CENPE: variants seen among roughly 807,000 people sequenced by gnomAD.
CENPE encodes centromere-associated protein E.
A neutral mutation model predicts 336.1 loss-of-function variants in CENPE; 145 were observed. The ratio of observed to expected loss-of-function variants is 0.43; its 90% CI spans 0.38 to 0.50. The LOEUF (loss-of-function observed/expected upper bound fraction) is 0.50, where lower values mean the gene tolerates loss of function less well. CENPE is among the 20% of genes least tolerant of loss of function. The pLI is 0.00. For missense variants in CENPE, 2,719 were observed against 3,023.3 expected (o/e 0.90, Z 2.36); for synonymous variants, 1,013 against 984.8 (o/e 1.03, Z -0.54).
rs756887577 is a variant in CENPE, at chr4:103,176,936, ATGTGTTTTTGTTG to A, written c.1340_1352del (p.Thr447IlefsTer5). 6.3e-7 allele frequency: 1 copy of A among 1,595,298 alleles called. No individual in the cohort carries two copies. The highest frequency in any genetic ancestry group is 1.8e-5 in the Admixed American group (1 of 56,648). On this transcript the variant is annotated frameshift_variant, in exon 14 of 49. Coordinates refer to ENST00000265148, the MANE Select transcript of CENPE (RefSeq NM_001813.3). LOFTEE classifies it high-confidence loss of function. ...CTCGTAATAAATTTATAGAAAGCTTATGTGTTTTTGTTGTTATATTTGTTGGTATATTAAATTG... is the reference window on the plus strand; with the variant it reads ...CTCGTAATAAATTTATAGAAAGCTTATTATATTTGTTGGTATATTAAATTG...
rs181200593 is a variant in CENPE at position 103,154,565 on chromosome 4, G to A, written c.3034-1315C>T. Among the ~76,000 whole-genome samples the A allele has an allele frequency of 3.9e-5, 6 of 152,216 alleles. No individual in the cohort carries two copies. The East Asian group carries it at 1.2e-3, about 29-fold the overall frequency. On this transcript the variant is annotated intron_variant, in intron 24 of 48. Transcript: ENST00000265148. ...GAGAAATTAAGGTAGGGAACACGTAGTCTTTTGGGACTAGTCTGTTAGATA... is the reference window on the plus strand; with the variant it reads ...GAGAAATTAAGGTAGGGAACACGTAATCTTTTGGGACTAGTCTGTTAGATA...
chr4:103,121,829 G>A (rs545143335), intron 43 of CENPE, among the ~76,000 whole-genome samples: 1 of 151,988 alleles, frequency 6.6e-6, no homozygotes, highest in African/African-American at 2.4e-5. Flanking sequence ...CCAAAGTACT[G>A]GGATTACAGA....
At chr4:103,148,466 G>T (rs1477857883) in intron 28 of CENPE, among the ~76,000 whole-genome samples, 1 of 152,172 alleles carries the variant, frequency 6.6e-6, no homozygotes, top group Non-Finnish European at 1.5e-5. Flanking sequence ...TGGGGGGAAA[G>T]AACAATGTCT....
rs766122819 is a variant in CENPE at position 103,144,138 on chromosome 4, A to G, written c.5145+193T>C. 5.9e-5 allele frequency among the ~76,000 whole-genome samples: 9 copies of G among 152,124 alleles called. No homozygotes were observed. The South Asian group carries it at 1.0e-3, about 18-fold the overall frequency. On this transcript the variant is annotated intron_variant, in intron 33 of 48. Coordinates refer to ENST00000265148, the MANE Select transcript of CENPE (RefSeq NM_001813.3). ...TTTTTAGTAGAGATGGCGTTTCACC[A>G]TGTTAGCCAGGATGGTCTTGATCTC...
chr4:103,183,873 A>T (rs1318497218), intron 9 of CENPE, among the ~76,000 whole-genome samples: 1 of 152,194 alleles, frequency 6.6e-6, no homozygotes. Context: ...CAATAGTAAC[A>T]GTCCATACAT....
intron 46 of CENPE, among the ~76,000 whole-genome samples, chr4:103,111,899 T>A (rs185032975): frequency 6.6e-6 from 1 of 152,156 alleles, no homozygotes; most frequent in East Asian, 1.9e-4. Context: ...GCAAATATCA[T>A]CTTATGTTTT....
chr4:103,175,912 T>C lies in CENPE; in HGVS notation c.1479+48A>G, dbSNP rs571904687. ...GTAACAAAACCTAATAACAAAAGAA[T>C]TTTAAAAAGAGTAAAAGCATTATAT... is the stretch of plus-strand genomic sequence containing the variant. On this transcript the variant is annotated intron_variant, in intron 15 of 48. Transcript: ENST00000265148. 1.8e-5 allele frequency: 21 copies of C among 1,193,630 alleles called. No homozygotes were observed. In the South Asian group the frequency reaches 2.6e-4, roughly 15 times the overall value. The allele number at this position is 1,193,630 out of a possible 1,614,324, so 73.9% of individuals were successfully genotyped here. A position where few individuals can be genotyped will look rare whatever the true frequency, so the allele number is the denominator to read the frequency against.
intron 8 of CENPE, among the ~76,000 whole-genome samples, chr4:103,189,706 G>A (rs1480540050): frequency 2.6e-5 from 4 of 152,050 alleles, no homozygotes; most frequent in African/African-American, 7.2e-5. Flanking sequence ...GCAAAAACTC[G>A]AAGCATTCCC....
Position 103,160,729 on chromosome 4 carries a change from C to A in CENPE, c.2182G>T (p.Glu728Ter), listed in dbSNP as rs1253595186. Reference protein sequence around the residue: ...LEGKITDLQKELNKEVEENEA... With the variant: ...LEGKITDLQK The stretch of plus-strand genomic sequence containing the variant: ...TTTTCTTCAACTTCTTTATTTAGTT[C>A]TTTCTGAAGATCAGTAATCTTTCCT... The change falls in exon 21 of 49, where the codon GAA (glutamate) becomes TAA (stop). Residue 728 changes from glutamate to a stop codon, truncating the protein, a stop_gained. Coordinates refer to ENST00000265148, the MANE Select transcript of CENPE (RefSeq NM_001813.3). LOFTEE classifies it high-confidence loss of function. 7 of 1,608,834 alleles carry A rather than the reference C, an allele frequency of 4.4e-6. No homozygotes were observed. Among genetic ancestry groups the A allele is most frequent in the Non-Finnish European group, 5.9e-6 (7 of 1,177,420 alleles).
chr4:103,129,812 C>T (rs192030057), intron 42 of CENPE, among the ~76,000 whole-genome samples: 60 of 152,148 alleles, frequency 3.9e-4, no homozygotes, highest in Admixed American at 7.2e-4. Flanking sequence ...AATCCAATCA[C>T]GTGTAAAAAT....
intron 42 of CENPE, among the ~76,000 whole-genome samples, chr4:103,125,992 CTG>C (rs1038549728): frequency 6.6e-6 from 1 of 151,870 alleles, no homozygotes; most frequent in African/African-American, 2.4e-5. Flanking sequence ...GCTCCCCAAA[CTG>C]GAGAGGCAGA....
intron 14 of CENPE, among the ~76,000 whole-genome samples, chr4:103,176,450 T>C (rs1281446341): frequency 1.3e-5 from 2 of 152,368 alleles, no homozygotes; most frequent in South Asian, 4.1e-4. Flanking sequence ...TAACTAACAA[T>C]TTAATTGAAT....
Position 103,140,424 on chromosome 4 carries a change from T to C in CENPE, c.5755-10A>G. 1 of 1,542,426 alleles carries C rather than the reference T, an allele frequency of 6.5e-7. No individual in the cohort carries two copies. The highest frequency in any genetic ancestry group is 8.7e-7 in the Non-Finnish European group (1 of 1,145,942). On this transcript the variant is annotated splice_polypyrimidine_tract_variant and intron_variant, in intron 36 of 48. Transcript: ENST00000265148. The stretch of plus-strand genomic sequence containing the variant: ...GTTGTATTTCCAGATCCTTTATGGT[T>C]AGAAGAAATCAAGAAATGTAATGAT...
chr4:103,185,867 A>T lies in CENPE; in HGVS notation c.694-6T>A. 6.3e-7 allele frequency: 1 copy of T among 1,599,190 alleles called. No individual in the cohort carries two copies. The highest frequency in any genetic ancestry group is 8.5e-7 in the Non-Finnish European group (1 of 1,169,730). On this transcript the variant is annotated splice_polypyrimidine_tract_variant and splice_region_variant and intron_variant, in intron 8 of 48. Coordinates refer to ENST00000265148, the MANE Select transcript of CENPE (RefSeq NM_001813.3). ...CCTGCAAGATCAACCAAATTCTGTA[A>T]GATAGATAAAAATAAATCCTTAGGG...
At position 103,194,659 on chromosome 4, in the gene CENPE, G is replaced by C. The variant is rs1406608723; in HGVS notation, c.503C>G (p.Thr168Arg). 6.2e-7 allele frequency: 1 copy of C among 1,608,024 alleles called. No homozygotes were observed. Among genetic ancestry groups the C allele is most frequent in the African/African-American group, 1.3e-5 (1 of 74,842 alleles). The change falls in exon 6 of 49, where the codon ACA becomes AGA. Residue 168 changes from threonine to arginine, a missense_variant. Thr to Arg is a moderately conservative substitution (Grantham distance 71). Coordinates refer to ENST00000265148, the MANE Select transcript of CENPE (RefSeq NM_001813.3). ...VNRNVYVADL[T>R]EEVVYTSEMA... ...TTCTGATGTATATACAACTTCTTCT[G>C]TGAGATCAGCAACATACACATTCCT...
In CENPE at chr4:103,120,185, C is replaced by T; in HGVS notation, c.7292G>A (p.Cys2431Tyr). 1 of 1,606,020 alleles carries T rather than the reference C, an allele frequency of 6.2e-7. No individual in the cohort carries two copies. ...AATTGTCTCTTTTGTTTTTTCAAGG[C>T]ATTTATTTGATTCATGAACTTTGGC... ...LQAKVHESNK[C>Y]LEKTKETIQV... Residue 2431 changes from cysteine (C) to tyrosine (Y), a missense_variant, in exon 44 of 49, where the codon TGC becomes TAC. Transcript: ENST00000265148.
rs750534903 is a variant in CENPE at position 103,147,279 on chromosome 4, A to G, written c.4134+77T>C. ...CTGGTAACATAATTATAATACAAAC[A>G]TTATAACTATAACACAAACACAAGC... On this transcript the variant is annotated intron_variant, in intron 29 of 48. Coordinates refer to ENST00000265148, the MANE Select transcript of CENPE (RefSeq NM_001813.3). 516 of 1,259,060 alleles carry G rather than the reference A, an allele frequency of 4.1e-4. 1 individual carries two copies. Among genetic ancestry groups the G allele is most frequent in the Non-Finnish European group, 5.3e-4 (483 of 903,892 alleles). 78.0% of individuals were successfully genotyped at this position (1,259,060 alleles called of 1,614,324 possible). A position where few individuals can be genotyped will look rare whatever the true frequency, so the allele number is the denominator to read the frequency against.
chr4:103,168,010 T>C (rs1755066862), intron 16 of CENPE, among the ~76,000 whole-genome samples: 1 of 152,174 alleles, frequency 6.6e-6, no homozygotes, highest in Admixed American at 6.5e-5. Context: ...GAAGGGAACA[T>C]GCCCATCTGA....
At chr4:103,126,046 T>G (rs561369830) in intron 42 of CENPE, among the ~76,000 whole-genome samples, 1 of 152,180 alleles carries the variant, frequency 6.6e-6, no homozygotes, top group African/African-American at 2.4e-5. Flanking sequence ...AGAAACCCTT[T>G]GCAGGAACCA....
Sources: allele counts gnomAD v4.1 joint callset (sites outside exome capture counted in the v4.1 genomes callset), GRCh38; gene constraint gnomAD v4.1.1; transcripts MANE v1.5; gene names NCBI Gene and HGNC (gene_info 2026-07-23, HGNC 2026-07-21).